The following WARS2 variants were observed in gnomAD, a reference collection of about 807,000 sequenced individuals.
The protein encoded by WARS2 is tryptophanyl tRNA synthetase 2, mitochondrial, also known as tryptophan--tRNA ligase, mitochondrial.
In WARS2, 28 loss-of-function variants were observed where a neutral mutation model predicts 36.5. The ratio of observed to expected loss-of-function variants is 0.77; its 90% CI spans 0.57 to 1.05. The LOEUF is 1.05. WARS2 is among the 50% of genes least tolerant of loss of function. The pLI, the probability that WARS2 is intolerant of heterozygous loss-of-function variation, is 0.00. For missense variants in WARS2, 435 were observed against 456.8 expected, an observed-to-expected ratio of 0.95 and a Z score of 0.44; for synonymous variants, 174 against 178.4, an observed-to-expected ratio of 0.98 and a Z score of 0.20.
chr1:119,095,505 T>G (rs1367768895), intron 1 of WARS2, among the ~76,000 whole-genome samples: 1 of 150,838 alleles, frequency 6.6e-6, no homozygotes, highest in Non-Finnish European at 1.5e-5. Flanking sequence ...CACTGCAACC[T>G]CCACACTGCC....
At chr1:119,131,752 C>T (rs1656131808) in intron 1 of WARS2, among the ~76,000 whole-genome samples, 2 of 151,966 alleles carry the variant, frequency 1.3e-5, no homozygotes, top group Admixed American at 6.6e-5. Flanking sequence ...TGAGCCACAG[C>T]GCCGGCCCGG....
intron 1 of WARS2, among the ~76,000 whole-genome samples, chr1:119,111,923 ATTT>A (rs913622555): frequency 4.1e-5 from 6 of 145,836 alleles, no homozygotes; most frequent in Non-Finnish European, 7.6e-5. Flanking sequence ...GTTTGTTCAG[ATTT>A]TTTTTTTTTC....
intron 1 of WARS2, chr1:119,085,998 A>C (rs746081015): frequency 6.3e-7 from 1 of 1,597,838 alleles, no homozygotes; most frequent in Non-Finnish European, 8.6e-7. Flanking sequence ...GTGCCCAGGC[A>C]AGGCAGTGTG....
intron 1 of WARS2, among the ~76,000 whole-genome samples, chr1:119,138,699 C>A (rs1414526020): frequency 6.6e-6 from 1 of 152,046 alleles, no homozygotes; most frequent in African/African-American, 2.4e-5. Context: ...CCACATTAAT[C>A]TTTCAAACCA....
intron 1 of WARS2, among the ~76,000 whole-genome samples, chr1:119,107,004 G>T (rs1248449140): frequency 6.6e-6 from 1 of 152,082 alleles, no homozygotes; most frequent in African/African-American, 2.4e-5. Context: ...TGGCCATTCT[G>T]TTAGGTGTGT....
At chr1:119,085,949 G>A in intron 1 of WARS2, 1 of 1,610,324 alleles carries the variant, frequency 6.2e-7, no homozygotes, top group Non-Finnish European at 8.5e-7. Context: ...TAGTTAAAGG[G>A]TTCATCTCCA....
At chr1:119,056,065 C>A (rs143155884) in intron 2 of WARS2, among the ~76,000 whole-genome samples, 66 of 146,550 alleles carry the variant, frequency 4.5e-4, no homozygotes, top group African/African-American at 1.6e-3. Context: ...GCTGTCCAGG[C>A]TGGAGTGCAG....
intron 1 of WARS2, chr1:119,126,548 T>C: frequency 1.7e-6 from 1 of 587,638 alleles, no homozygotes; most frequent in Non-Finnish European, 3.1e-6. Flanking sequence ...TTCAGACAGA[T>C]TCTTGGACTA....
intron 1 of WARS2, among the ~76,000 whole-genome samples, chr1:119,112,928 G>A (rs991011253): frequency 6.6e-6 from 1 of 152,174 alleles, no homozygotes; most frequent in East Asian, 1.9e-4. Flanking sequence ...CAAAGGGATT[G>A]AGAGTATTTG....
At chr1:119,100,589 C>T (rs1653784254) in intron 1 of WARS2, among the ~76,000 whole-genome samples, 1 of 152,152 alleles carries the variant, frequency 6.6e-6, no homozygotes. Flanking sequence ...TACATATATA[C>T]AATGGTATGC....
At chr1:119,102,135 T>C (rs980418868) in intron 1 of WARS2, among the ~76,000 whole-genome samples, 2 of 152,146 alleles carry the variant, frequency 1.3e-5, no homozygotes, top group Non-Finnish European at 2.9e-5. Flanking sequence ...CATTCATCCA[T>C]CCATTTACAT....
intron 1 of WARS2, among the ~76,000 whole-genome samples, chr1:119,097,040 TAA>T (rs1653492923): frequency 6.6e-6 from 1 of 152,178 alleles, no homozygotes; most frequent in African/African-American, 2.4e-5. Context: ...AAGGTAACTG[TAA>T]ATGCTCATGT....
intron 1 of WARS2, among the ~76,000 whole-genome samples, chr1:119,123,719 C>A (rs1273466253): frequency 1.3e-5 from 2 of 152,146 alleles, no homozygotes; most frequent in Admixed American, 6.5e-5. Context: ...ACTATCTTGT[C>A]TGGTTCTCAT....
intron 4 of WARS2, among the ~76,000 whole-genome samples, chr1:119,041,009 C>T (rs1048321975): frequency 6.6e-6 from 1 of 152,152 alleles, no homozygotes. Flanking sequence ...ATAAGCCTTG[C>T]AAGTTTTCAT....
At chr1:119,131,465 G>GT (rs1196649477) in intron 1 of WARS2, among the ~76,000 whole-genome samples, 3,095 of 135,216 alleles carry the variant, frequency 0.023, 154 homozygotes, top group African/African-American at 0.068. Flanking sequence ...TTTGTTTTTT[G>GT]TTTTTTTTTT....
chr1:119,105,696 G>C (rs944401664), intron 1 of WARS2, among the ~76,000 whole-genome samples: 3 of 152,228 alleles, frequency 2.0e-5, no homozygotes, highest in African/African-American at 7.2e-5. Flanking sequence ...CGGATCACTT[G>C]AGGCCAGGAG....
intron 2 of WARS2, among the ~76,000 whole-genome samples, chr1:119,072,019 C>T (rs1295163992): frequency 1.3e-5 from 2 of 151,938 alleles, no homozygotes; most frequent in Admixed American, 6.6e-5. Context: ...TATTACAAAA[C>T]ATAAGTCATC....
chr1:119,121,390 A>G (rs1382934232), intron 1 of WARS2, among the ~76,000 whole-genome samples: 1 of 152,188 alleles, frequency 6.6e-6, no homozygotes, highest in Non-Finnish European at 1.5e-5. Context: ...AGGAAATCAT[A>G]GATGACACAA....
chr1:119,139,047 T>C (rs1302002663), intron 1 of WARS2, among the ~76,000 whole-genome samples: 1 of 152,126 alleles, frequency 6.6e-6, no homozygotes, highest in Admixed American at 6.6e-5. Flanking sequence ...AATTCTTTAG[T>C]TTGGAATAAG....
Sources: allele counts gnomAD v4.1 joint callset (sites outside exome capture counted in the v4.1 genomes callset), GRCh38; gene constraint gnomAD v4.1.1; transcripts MANE v1.5; gene names NCBI Gene and HGNC (gene_info 2026-07-23, HGNC 2026-07-21).